EPS15L1: variants seen among roughly 807,000 people sequenced by gnomAD.
EPS15L1 encodes the protein epidermal growth factor receptor pathway substrate 15 like 1.
A neutral mutation model predicts 117.1 loss-of-function variants in EPS15L1; 43 were observed. That is an observed-to-expected ratio of 0.37 (90% CI 0.29 to 0.47). The LOEUF is 0.47. EPS15L1 is among the 20% of genes least tolerant of loss of function. The probability of loss-of-function intolerance (pLI) is 0.99; values close to 1 mark genes in which losing one functional copy is unlikely to be tolerated. For missense variants in EPS15L1, 981 were observed against 1,164.0 expected, an observed-to-expected ratio of 0.84 and a Z score of 2.29; for synonymous variants, 459 against 470.5, an observed-to-expected ratio of 0.98 and a Z score of 0.32.
intron 21 of EPS15L1, among the ~76,000 whole-genome samples, chr19:16,378,760 G>T (rs146551807): frequency 2.0e-5 from 3 of 152,190 alleles, no homozygotes; most frequent in Non-Finnish European, 2.9e-5. Flanking sequence ...TATCTCAGGC[G>T]TCTGAGGGAA....
At chr19:16,445,717 C>T (rs1392654858) in intron 1 of EPS15L1, among the ~76,000 whole-genome samples, 1 of 152,208 alleles carries the variant, frequency 6.6e-6, no homozygotes, top group Non-Finnish European at 1.5e-5. Context: ...TGAGAGCAGC[C>T]TCTGGAGCTG....
At chr19:16,468,094 C>T (rs2093319336) in intron 1 of EPS15L1, among the ~76,000 whole-genome samples, 1 of 152,090 alleles carries the variant, frequency 6.6e-6, no homozygotes, top group Admixed American at 6.5e-5. Flanking sequence ...ACAGCGGTCA[C>T]AAAAGGGACC....
chr19:16,377,131 G>A lies in EPS15L1; in HGVS notation c.2371C>T (p.Pro791Ser). ...PKKPAPPRPK[P>S]PSGKSTPVSQ... Reference sequence around the variant, plus strand: ...AAGAAAGCTTACTGACCGCTGGGCGGTTTAGGCCGTGGAGGAGCAGGTTTC... The same window carrying A: ...AAGAAAGCTTACTGACCGCTGGGCGATTTAGGCCGTGGAGGAGCAGGTTTC... The change falls in exon 22 of 24, where the codon CCG (proline) becomes TCG (serine). Residue 791 changes from proline to serine, a missense_variant. Coordinates refer to ENST00000455140, the MANE Select transcript of EPS15L1 (RefSeq NM_001258374.3). 1 of 1,605,852 alleles carries A rather than the reference G, an allele frequency of 6.2e-7. No individual in the cohort carries two copies. Among genetic ancestry groups the A allele is most frequent in the African/African-American group, 1.3e-5 (1 of 74,410 alleles).
intron 22 of EPS15L1, among the ~76,000 whole-genome samples, chr19:16,375,388 A>G (rs1302198184): frequency 3.3e-5 from 5 of 152,002 alleles, no homozygotes; most frequent in African/African-American, 1.2e-4. Flanking sequence ...ACATACATGC[A>G]TAAAAATACA....
intron 23 of EPS15L1, among the ~76,000 whole-genome samples, chr19:16,359,651 A>G (rs1225942896): frequency 6.6e-6 from 1 of 152,190 alleles, no homozygotes; most frequent in Non-Finnish European, 1.5e-5. Flanking sequence ...ATTTGAGCCC[A>G]GAGTTCAAAG....
In EPS15L1 at chr19:16,471,502, G is replaced by C. The variant is rs561911962; in HGVS notation, c.33+411C>G. ...TGCTGACGGGTCCGGGCTCCGGCGG[G>C]ACCCTGCCCGCCCGGGCGCCGGGAC... On this transcript the variant is annotated intron_variant, in intron 1 of 23. Coordinates refer to ENST00000455140, the MANE Select transcript of EPS15L1 (RefSeq NM_001258374.3). The surrounding 1 kb of genome is among the most constrained non-coding windows in gnomAD (Gnocchi z 4.8). 6.6e-6 allele frequency among the ~76,000 whole-genome samples: 1 copy of C among 152,176 alleles called. No individual in the cohort carries two copies. The highest frequency in any genetic ancestry group is 1.5e-5 in the Non-Finnish European group (1 of 68,016).
intron 22 of EPS15L1, among the ~76,000 whole-genome samples, chr19:16,369,017 G>T (rs2092182091): frequency 6.6e-6 from 1 of 152,234 alleles, no homozygotes; most frequent in Non-Finnish European, 1.5e-5. Flanking sequence ...GGGGAGAGGG[G>T]AGAAAGAAAA....
intron 1 of EPS15L1, among the ~76,000 whole-genome samples, chr19:16,457,522 A>G (rs1295518142): frequency 1.3e-5 from 2 of 152,098 alleles, no homozygotes; most frequent in Non-Finnish European, 2.9e-5. Context: ...AGGCTCCACC[A>G]CAGGAAATAC....
intron 1 of EPS15L1, among the ~76,000 whole-genome samples, chr19:16,452,371 G>A (rs543292563): frequency 4.6e-5 from 7 of 151,640 alleles, no homozygotes; most frequent in Admixed American, 2.6e-4. Flanking sequence ...ACTTGAACCC[G>A]GGAGGCAGAG....
At chr19:16,430,971 AC>A (rs1187004614) in intron 7 of EPS15L1, among the ~76,000 whole-genome samples, 2 of 152,190 alleles carry the variant, frequency 1.3e-5, no homozygotes. Context: ...ACAGTGGCTC[AC>A]GACTGTCATC....
rs1311817025 is a variant in EPS15L1 at position 16,381,303 on chromosome 19, C to T, written c.2247+3826G>A. Reference sequence around the variant, plus strand: ...CCCACATCACACAGCAGGTCCACGGCGGATCCAGGGCTGCCACATCGTCTG... The same window carrying T: ...CCCACATCACACAGCAGGTCCACGGTGGATCCAGGGCTGCCACATCGTCTG... On this transcript the variant is annotated intron_variant, in intron 21 of 23. Coordinates refer to ENST00000455140, the MANE Select transcript of EPS15L1 (RefSeq NM_001258374.3). This position sits in a 1 kb window ranked among gnomAD's most constrained non-coding sequence, Gnocchi z 4.2. Among the ~76,000 whole-genome samples, 2 of 152,266 alleles carry T rather than the reference C, an allele frequency of 1.3e-5. No individual in the cohort carries two copies. The highest frequency in any genetic ancestry group is 6.5e-5 in the Admixed American group (1 of 15,294).
intron 5 of EPS15L1, 34 bp downstream of exon 5, chr19:16,437,736 G>T (rs761402804): frequency 7.4e-6 from 11 of 1,480,012 alleles, no homozygotes; most frequent in Non-Finnish European, 1.0e-5. Context: ...TCTGGTATTA[G>T]AAGAATGTGA....
At chr19:16,451,904 G>A (rs1198075263) in intron 1 of EPS15L1, among the ~76,000 whole-genome samples, 2 of 151,100 alleles carry the variant, frequency 1.3e-5, no homozygotes, top group African/African-American at 2.4e-5. Flanking sequence ...TTGGGAGGTC[G>A]AGGCAGGCAG....
At chr19:16,403,103 G>A (rs1204693518) in intron 15 of EPS15L1, among the ~76,000 whole-genome samples, 14 of 152,316 alleles carry the variant, frequency 9.2e-5, no homozygotes, top group South Asian at 6.2e-4. Flanking sequence ...TGGCCACTCC[G>A]ACACAGGCGA....
At position 16,393,077 on chromosome 19, in the gene EPS15L1, T is replaced by TATAATA. The variant is rs149019261; in HGVS notation, c.1967-643_1967-638dup. ...AATAAAATATCCTGCAGGAGCTGGA[T>TATAATA]ATAATAATAATAATAATAATAATAA... On this transcript the variant is annotated intron_variant, in intron 18 of 23. Coordinates refer to ENST00000455140, the MANE Select transcript of EPS15L1 (RefSeq NM_001258374.3). Among the ~76,000 whole-genome samples, 250 of 142,536 alleles carry TATAATA rather than the reference T, an allele frequency of 1.8e-3. 1 individual carries two copies. Among genetic ancestry groups the TATAATA allele is most frequent in the African/African-American group, 5.3e-3 (205 of 38,328 alleles). 93.5% of individuals were successfully genotyped at this position (142,536 alleles called of 152,430 possible). A position where few individuals can be genotyped will look rare whatever the true frequency, so the allele number is the denominator to read the frequency against.
In EPS15L1 at chr19:16,437,251, G is replaced by A. The variant is rs1261461836; in HGVS notation, c.310-252C>T. 4.6e-5 allele frequency among the ~76,000 whole-genome samples: 7 copies of A among 152,342 alleles called. No homozygotes were observed. In the East Asian group the frequency reaches 7.7e-4, roughly 17 times the overall value. ...AGCACTATTCACAACAGTCAAAAGG[G>A]TGGAAATAACCCACATGTCCAGAGA... On this transcript the variant is annotated intron_variant, in intron 5 of 23. Transcript: ENST00000455140.
In EPS15L1 at chr19:16,428,727, T is replaced by C. The variant is rs548101433; in HGVS notation, c.533A>G (p.His178Arg). 3 of 1,611,566 alleles carry C rather than the reference T, an allele frequency of 1.9e-6. No homozygotes were observed. Among genetic ancestry groups the C allele is most frequent in the African/African-American group, 2.7e-5 (2 of 74,980 alleles). Residue 178 changes from histidine (H) to arginine (R), a missense_variant, in exon 8 of 24, where the codon CAC becomes CGC. Physicochemically the swap from His to Arg is conservative, Grantham distance 29 (BLOSUM62 0). Around this residue, in one of 5 missense-constraint regions of EPS15L1, gnomAD observed 819 missense variants for 949.0 expected, o/e 0.86. Coordinates refer to ENST00000455140, the MANE Select transcript of EPS15L1 (RefSeq NM_001258374.3). ...WDLSDIDKDG[H>R]LDRDEFAVAM... ...CACAGCGAACTCATCTCGATCCAAG[T>C]GCCCATCCTTGTCAATGTCACTGAG...
Position 16,405,932 on chromosome 19 carries a change from C to G in EPS15L1, c.1267-1183G>C, listed in dbSNP as rs3786588. 2.0e-5 allele frequency among the ~76,000 whole-genome samples: 3 copies of G among 152,104 alleles called. No individual in the cohort carries two copies. Among genetic ancestry groups the G allele is most frequent in the African/African-American group, 7.2e-5 (3 of 41,418 alleles). On this transcript the variant is annotated intron_variant, in intron 13 of 23. Coordinates refer to ENST00000455140, the MANE Select transcript of EPS15L1 (RefSeq NM_001258374.3). The surrounding 1 kb of genome is among the most constrained non-coding windows in gnomAD (Gnocchi z 4.0). ...TCCTCCCTCCAGCTGCCATGTGGAG[C>G]GTGGTGCAAGGGGCCATCAGGACGC...
Position 16,381,874 on chromosome 19 carries a change from T to C in EPS15L1, c.2247+3255A>G, listed in dbSNP as rs2092366735. 6.6e-6 allele frequency among the ~76,000 whole-genome samples: 1 copy of C among 152,142 alleles called. No homozygotes were observed. The highest frequency in any genetic ancestry group is 1.5e-5 in the Non-Finnish European group (1 of 68,010). ...GGATGGGGAGCCAAGCAGGTCTAGA[T>C]GGGAAGTGGTGTGACCGGCTGGGCC... is the stretch of plus-strand genomic sequence containing the variant. On this transcript the variant is annotated intron_variant, in intron 21 of 23. Transcript: ENST00000455140. The surrounding 1 kb of genome is among the most constrained non-coding windows in gnomAD (Gnocchi z 4.2).
Sources: allele counts gnomAD v4.1 joint callset (sites outside exome capture counted in the v4.1 genomes callset), GRCh38; gene constraint gnomAD v4.1.1; regional missense constraint gnomAD v4.1.1; non-coding constraint Gnocchi (gnomAD v3.1); transcripts MANE v1.5; gene names NCBI Gene and HGNC (gene_info 2026-07-23, HGNC 2026-07-21).